The following ENTPD6 variants were observed in gnomAD, a reference collection of about 807,000 sequenced individuals.
The protein encoded by ENTPD6 is ectonucleoside triphosphate diphosphohydrolase 6, also known as CD39 antigen-like 2.
Under a neutral mutation model 61.5 loss-of-function variants are expected in ENTPD6, and 46 were observed. The observed-to-expected ratio is 0.75, with a 90% CI of 0.59 to 0.96. The LOEUF (loss-of-function observed/expected upper bound fraction) is 0.96. Ranked by LOEUF, ENTPD6 falls within the 40% of genes least tolerant of loss-of-function variation. The pLI is 0.00. For synonymous variants in ENTPD6, 252 were observed against 255.5 expected (o/e 0.99, Z 0.13); for missense variants, 612 against 629.0 (o/e 0.97, Z 0.29).
chr20:25,199,309 C>T (rs557170448), intron 1 of ENTPD6, among the ~76,000 whole-genome samples: 29 of 152,314 alleles, frequency 1.9e-4, no homozygotes, highest in Non-Finnish European at 4.1e-4. Flanking sequence ...GATCTGTCTC[C>T]TTCGTTGAGA....
Position 25,227,961 on chromosome 20 carries a change from G to T in ENTPD6, c.*2364G>T, listed in dbSNP as rs1043239120. 6.6e-6 allele frequency among the ~76,000 whole-genome samples: 1 copy of T among 152,192 alleles called. No homozygotes were observed. Among genetic ancestry groups the T allele is most frequent in the African/African-American group, 2.4e-5 (1 of 41,450 alleles). Reference sequence around the variant, plus strand: ...GATCTAATTCATCGGGTATATCTAAGTTGTATTTCCGTGAAACATCTGTTC... The same window carrying T: ...GATCTAATTCATCGGGTATATCTAATTTGTATTTCCGTGAAACATCTGTTC... On this transcript the variant is annotated 3_prime_UTR_variant, in exon 15 of 15. Coordinates refer to ENST00000376652, the MANE Select transcript of ENTPD6 (RefSeq NM_001247.5).
chr20:25,202,671 T>C (rs1207280243), intron 1 of ENTPD6, among the ~76,000 whole-genome samples: 1 of 152,226 alleles, frequency 6.6e-6, no homozygotes, highest in Non-Finnish European at 1.5e-5. Context: ...CCTTTACAAT[T>C]CCATCTACCC....
chr20:25,207,008 G>T, intron 2 of ENTPD6, 68 bp from the exon 3 acceptor site: 1 of 1,415,712 alleles, frequency 7.1e-7, no homozygotes. Flanking sequence ...TGGGCCTGGG[G>T]ACGTCTGACT....
At chr20:25,198,717 G>A (rs563935394) in intron 1 of ENTPD6, among the ~76,000 whole-genome samples, 3 of 151,976 alleles carry the variant, frequency 2.0e-5, no homozygotes, top group Non-Finnish European at 4.4e-5. Flanking sequence ...ACTTTGGAAC[G>A]GACATTCCTA....
chr20:25,225,858 G>A lies in ENTPD6; in HGVS notation c.*261G>A. The A allele has an allele frequency of 2.3e-6, 1 of 443,312 alleles. No homozygotes were observed. Among genetic ancestry groups the A allele is most frequent in the Non-Finnish European group, 4.0e-6 (1 of 247,198 alleles). 27.5% of individuals were successfully genotyped at this position (443,312 alleles called of 1,614,324 possible). A position where few individuals can be genotyped will look rare whatever the true frequency, so the allele number is the denominator to read the frequency against. On this transcript the variant is annotated 3_prime_UTR_variant, in exon 15 of 15. Transcript: ENST00000376652. ...GCTCCAAGTGGGCAGGACCAGGACAGAACCACAGGCACACACTGAGGGGGC... is the reference window on the plus strand; with the variant it reads ...GCTCCAAGTGGGCAGGACCAGGACAAAACCACAGGCACACACTGAGGGGGC...
rs1420591738 is a variant in ENTPD6 at position 25,227,638 on chromosome 20, T to C, written c.*2041T>C. 1.3e-5 allele frequency among the ~76,000 whole-genome samples: 2 copies of C among 152,218 alleles called. No homozygotes were observed. The highest frequency in any genetic ancestry group is 4.8e-5 in the African/African-American group (2 of 41,458). On this transcript the variant is annotated 3_prime_UTR_variant, in exon 15 of 15. Transcript: ENST00000376652. ...ATTCTGTTCCCTCAGGATGTGTGCA[T>C]TGACAAGCTCAGACAGGTCTCACAC...
In ENTPD6 at chr20:25,225,658, C is replaced by A; in HGVS notation, c.*61C>A. 1 of 1,387,232 alleles carries A rather than the reference C, an allele frequency of 7.2e-7. No individual in the cohort carries two copies. The highest frequency in any genetic ancestry group is 1.9e-5 in the Admixed American group (1 of 53,308). The allele number at this position is 1,387,232 out of a possible 1,614,324, so 85.9% of individuals were successfully genotyped here. On this transcript the variant is annotated 3_prime_UTR_variant, in exon 15 of 15. Coordinates refer to ENST00000376652, the MANE Select transcript of ENTPD6 (RefSeq NM_001247.5). ...GTGTGTCTGCATAAACCCTCCTGTCCTGGACGTGACTTCATCCTGAGGAGC... is the reference window on the plus strand; with the variant it reads ...GTGTGTCTGCATAAACCCTCCTGTCATGGACGTGACTTCATCCTGAGGAGC...
At chr20:25,224,377 C>T in intron 13 of ENTPD6, 1 of 439,724 alleles carries the variant, frequency 2.3e-6, no homozygotes, top group Admixed American at 4.1e-5. Flanking sequence ...TGCCATTTTA[C>T]TGCTACTAGG....
intron 11 of ENTPD6, chr20:25,222,504 C>T (rs1233769964): frequency 4.2e-6 from 1 of 239,850 alleles, no homozygotes; most frequent in Non-Finnish European, 8.2e-6. Flanking sequence ...TCCGGGCTGG[C>T]GGAGGGGGAA....
rs746035951 is a variant in ENTPD6, at chr20:25,216,710, C to G, written c.772C>G (p.Gln258Glu). 6 of 1,605,124 alleles carry G rather than the reference C, an allele frequency of 3.7e-6. No homozygotes were observed. Among genetic ancestry groups the G allele is most frequent in the Non-Finnish European group, 5.1e-6 (6 of 1,176,382 alleles). ...GCTGGACTTGGGCGGAGGATCCACT[C>G]AGATCGCCTTCCTGCCACGCGTGGA... ...GMLDLGGGSTQIAFLPRVEGT... is the reference protein window; with the variant it reads ...GMLDLGGGSTEIAFLPRVEGT... The change falls in exon 8 of 15, where the codon CAG becomes GAG. Residue 258 changes from glutamine (Q) to glutamate (E), a missense_variant. Transcript: ENST00000376652.
chr20:25,225,084 C>G (rs573289385), intron 13 of ENTPD6, 121 bp from the exon 14 acceptor site: 1 of 1,453,996 alleles, frequency 6.9e-7, no homozygotes, highest in East Asian at 2.5e-5. Flanking sequence ...GCGGCCTTGT[C>G]TGTGAATCCG....
chr20:25,215,853 G>T, intron 7 of ENTPD6, 142 bp downstream of exon 7: 3 of 898,776 alleles, frequency 3.3e-6, no homozygotes, highest in South Asian at 2.8e-5. Context: ...CTGACCATAG[G>T]GTGTTGGGGA....
In ENTPD6 at chr20:25,221,238, A is replaced by T; in HGVS notation, c.950A>T (p.Asp317Val). 8.7e-6 allele frequency: 14 copies of T among 1,612,874 alleles called. No individual in the cohort carries two copies. Among genetic ancestry groups the T allele is most frequent in the Non-Finnish European group, 1.2e-5 (14 of 1,178,972 alleles). ...TTTTTAATCTCTGTTTCAGCTAAGGATGGAAAGGAGTTGGTCAGCCCTTGC... is the reference window on the plus strand; with the variant it reads ...TTTTTAATCTCTGTTTCAGCTAAGGTTGGAAAGGAGTTGGTCAGCCCTTGC... ...LGGVEGQPAK[D>V]GKELVSPCLS... is the part of the protein sequence containing the mutation. The change falls in exon 11 of 15, where the codon GAT becomes GTT. Residue 317 changes from aspartate (D) to valine (V), a missense_variant. Physicochemically the swap from Asp to Val is radical, Grantham distance 152. Coordinates refer to ENST00000376652, the MANE Select transcript of ENTPD6 (RefSeq NM_001247.5).
intron 10 of ENTPD6, among the ~76,000 whole-genome samples, chr20:25,220,833 G>A (rs1030780245): frequency 3.3e-5 from 5 of 152,190 alleles, no homozygotes; most frequent in African/African-American, 1.2e-4. Flanking sequence ...TGGAGCAGCA[G>A]ATTCCATTCA....
Position 25,216,735 on chromosome 20 carries a change from A to C in ENTPD6, c.797A>C (p.Glu266Ala), listed in dbSNP as rs1167316938. The change falls in exon 8 of 15, where the codon GAG (glutamate) becomes GCG (alanine). Residue 266 changes from glutamate (E) to alanine (A), a missense_variant and splice_region_variant. Transcript: ENST00000376652. The part of the protein sequence containing the change: ...STQIAFLPRV[E>A]GTLQASPPGY... ...CAGATCGCCTTCCTGCCACGCGTGG[A>C]GGTAACAAGCCCTGCCGACCACAGC... The C allele has an allele frequency of 1.9e-6, 3 of 1,579,618 alleles. No individual in the cohort carries two copies. Among genetic ancestry groups the C allele is most frequent in the African/African-American group, 1.3e-5 (1 of 74,090 alleles).
At chr20:25,204,322 G>A (rs2091287407) in intron 1 of ENTPD6, among the ~76,000 whole-genome samples, 1 of 152,112 alleles carries the variant, frequency 6.6e-6, no homozygotes, top group Non-Finnish European at 1.5e-5. Context: ...TTGGTGCTTT[G>A]AAGCTTAATC....
At chr20:25,211,067 T>C (rs773191560) in intron 4 of ENTPD6, among the ~76,000 whole-genome samples, 10 of 152,224 alleles carry the variant, frequency 6.6e-5, no homozygotes, top group Non-Finnish European at 1.3e-4. Context: ...CCTTAAAGCT[T>C]ACAGCTGCAC....
chr20:25,227,063 C>T lies in ENTPD6; in HGVS notation c.*1466C>T, dbSNP rs1384933601. ...CAAGGATCTGGTTTTGGTCTGGAAG[C>T]GTCCCAAAGGTGTCGCATGCCAGGG... is the stretch of plus-strand genomic sequence containing the variant. On this transcript the variant is annotated 3_prime_UTR_variant, in exon 15 of 15. Coordinates refer to ENST00000376652, the MANE Select transcript of ENTPD6 (RefSeq NM_001247.5). Among the ~76,000 whole-genome samples, 1 of 152,252 alleles carries T rather than the reference C, an allele frequency of 6.6e-6. No individual in the cohort carries two copies. Among genetic ancestry groups the T allele is most frequent in the African/African-American group, 2.4e-5 (1 of 41,466 alleles).
intron 2 of ENTPD6, among the ~76,000 whole-genome samples, chr20:25,206,862 C>G (rs1415147924): frequency 6.6e-6 from 1 of 152,188 alleles, no homozygotes; most frequent in Non-Finnish European, 1.5e-5. Context: ...CTTGAGCAGG[C>G]TGTCCTGCCT....
Sources: allele counts gnomAD v4.1 joint callset (sites outside exome capture counted in the v4.1 genomes callset), GRCh38; gene constraint gnomAD v4.1.1; transcripts MANE v1.5; gene names NCBI Gene and HGNC (gene_info 2026-07-23, HGNC 2026-07-21).